Variants in MBNL3 observed in about 807,000 individuals in gnomAD.
MBNL3 encodes the protein muscleblind like splicing regulator 3, also known as muscleblind-like protein 3.
In MBNL3, 6 loss-of-function variants were observed where a neutral mutation model predicts 24.5. That is an observed-to-expected ratio of 0.25 (90% CI 0.13 to 0.48). The LOEUF is 0.48. MBNL3 is among the 20% of genes least tolerant of loss of function. MBNL3 has a pLI of 0.99. For missense variants in MBNL3, 230 were observed against 293.5 expected (o/e 0.78, Z 1.58); for synonymous variants, 100 against 101.7 (o/e 0.98, Z 0.10).
chrX:132,398,476 A>T (rs1940235263), intron 3 of MBNL3, among the ~76,000 whole-genome samples: 1 of 111,780 alleles, frequency 8.9e-6, no homozygotes, highest in Non-Finnish European at 1.9e-5. Flanking sequence ...ATTATTTTTT[A>T]AAAAATCAAG....
chrX:132,467,379 C>G (rs908100826), intron 1 of MBNL3, among the ~76,000 whole-genome samples: 2 of 112,230 alleles, frequency 1.8e-5, no homozygotes, highest in African/African-American at 6.5e-5. Flanking sequence ...GAGATAATTA[C>G]AGCAGGTTAT....
chrX:132,387,340 CA>C (rs397895685), intron 5 of MBNL3, among the ~76,000 whole-genome samples: 7,972 of 74,218 alleles, frequency 0.11, 404 homozygotes, highest in African/African-American at 0.21. Context: ...AAAAAAAATG[CA>C]AAAAAAAAAA....
intron 6 of MBNL3, among the ~76,000 whole-genome samples, chrX:132,385,447 G>C (rs1603052755): frequency 9.0e-6 from 1 of 110,989 alleles, no homozygotes; most frequent in African/African-American, 3.3e-5. Flanking sequence ...CTAATGTGTA[G>C]GTAAATTACC....
At chrX:132,434,932 CTG>C (rs1445563912) in intron 2 of MBNL3, among the ~76,000 whole-genome samples, 4 of 111,977 alleles carry the variant, frequency 3.6e-5, no homozygotes, top group African/African-American at 1.3e-4. Context: ...GTTTTGATAA[CTG>C]TGCAATGCAT....
intron 5 of MBNL3, among the ~76,000 whole-genome samples, chrX:132,389,712 AAGAAAGACAT>A (rs1319813091): frequency 9.0e-6 from 1 of 111,071 alleles, no homozygotes; most frequent in Middle Eastern, 4.2e-3. Context: ...CAGGGAGAAA[AAGAAAGACAT>A]AGCAAGCAGC....
chrX:132,421,112 A>G (rs1292726942), intron 2 of MBNL3, among the ~76,000 whole-genome samples: 4 of 112,009 alleles, frequency 3.6e-5, no homozygotes, highest in Non-Finnish European at 7.5e-5. Context: ...ACTTCTCTAG[A>G]AATAATTCCT....
chrX:132,396,419 T>TATATATATTCCTATATATATTC (rs1200524588), intron 3 of MBNL3, among the ~76,000 whole-genome samples: 1 of 79,576 alleles, frequency 1.3e-5, no homozygotes. Flanking sequence ...TATATTCCTA[T>TATATATATTCCTATATATATTC]ATATATATTC....
At chrX:132,411,255 CTT>C (rs1942690522) in intron 2 of MBNL3, 1 of 754,103 alleles carries the variant, frequency 1.3e-6, no homozygotes, top group Non-Finnish European at 1.6e-6. Context: ...AGGGCAATGA[CTT>C]TGGCGCAAAC....
chrX:132,419,764 C>A (rs1249909140), intron 2 of MBNL3, among the ~76,000 whole-genome samples: 1 of 112,071 alleles, frequency 8.9e-6, no homozygotes, highest in Non-Finnish European at 1.9e-5. Context: ...ATGTTTCTTT[C>A]TTTTCTTTTC....
At chrX:132,412,597 G>C (rs1005228407) in intron 2 of MBNL3, among the ~76,000 whole-genome samples, 7 of 112,196 alleles carry the variant, frequency 6.2e-5, no homozygotes, top group African/African-American at 1.9e-4. Flanking sequence ...TCATGAGCTT[G>C]ATCTTTTTCT....
chrX:132,391,073 T>C lies in MBNL3; in HGVS notation c.545A>G (p.Glu182Gly). 8.3e-7 allele frequency: 1 copy of C among 1,208,631 alleles called. No individual in the cohort carries two copies. The highest frequency in any genetic ancestry group is 1.1e-6 in the Non-Finnish European group (1 of 893,459). The change falls in exon 5 of 9, where the codon GAA (glutamate) becomes GGA (glycine). Residue 182 changes from glutamate (E) to glycine (G), a missense_variant. Transcript: ENST00000370853. ...ACGGGTACAATTTCCACGCTGAAAT[T>C]CTCGGCAAACCTTAGAACACACACA... ...MRSDKLEVCR[E>G]FQRGNCTRGE...
chrX:132,421,387 C>T (rs1943800549), intron 2 of MBNL3, among the ~76,000 whole-genome samples: 1 of 110,429 alleles, frequency 9.1e-6, no homozygotes, highest in Non-Finnish European at 1.9e-5. Flanking sequence ...TTACTATGTG[C>T]CTAGGGAGAG....
intron 6 of MBNL3, among the ~76,000 whole-genome samples, chrX:132,385,905 TG>T (rs1173002613): frequency 1.0e-5 from 1 of 98,568 alleles, no homozygotes; most frequent in Non-Finnish European, 2.1e-5. Flanking sequence ...AAAAAAAAAA[TG>T]GAAAAAAAAA....
intron 3 of MBNL3, among the ~76,000 whole-genome samples, chrX:132,396,397 TATATATTC>T (rs1313160048): frequency 7.1e-5 from 6 of 84,600 alleles, no homozygotes; most frequent in African/African-American, 2.8e-4. Context: ...TATATTCCTA[TATATATTC>T]ATATATATTC....
In MBNL3 at chrX:132,390,949, T is replaced by C. The variant is rs1265823892; in HGVS notation, c.669A>G (p.Arg223=). 1.7e-6 allele frequency: 2 copies of C among 1,211,369 alleles called. No individual in the cohort carries two copies. Among genetic ancestry groups the C allele is most frequent in the East Asian group, 5.9e-5 (2 of 33,816 alleles). Residue 223 remains arginine, a synonymous_variant, in exon 5 of 9, where the codon CGA becomes CGG. Transcript: ENST00000370853. ...AGTACTTGCATTTCTCCCGCGAGCATCGACCTTTGATGTAATCCATGCAGA... is the reference window on the plus strand; with the variant it reads ...AGTACTTGCATTTCTCCCGCGAGCACCGACCTTTGATGTAATCCATGCAGA... The part of the protein sequence containing the change: ...VTICMDYIKG[R]CSREKCKYFH...
In MBNL3 at chrX:132,386,909, G is replaced by A. The variant is rs776884932; in HGVS notation, c.772-98C>T. ...ATAAGGTATTTCCTGGGAATCCTCC[G>A]TAAGGGTATGCATTGGGCAAGACAC... On this transcript the variant is annotated intron_variant, in intron 5 of 8. Transcript: ENST00000370853. 5.0e-5 allele frequency: 49 copies of A among 970,412 alleles called. No homozygotes were observed. The South Asian group carries it at 8.1e-4, about 16-fold the overall frequency. The allele number at this position is 970,412 out of a possible 1,213,427, so 80.0% of individuals were successfully genotyped here.
At chrX:132,457,194 G>A (rs1603261171) in intron 1 of MBNL3, among the ~76,000 whole-genome samples, 2 of 111,145 alleles carry the variant, frequency 1.8e-5, no homozygotes, top group South Asian at 7.4e-4. Flanking sequence ...ATAAAAAGAA[G>A]GCAAAATTTT....
At chrX:132,474,243 G>T (rs1238857845) in intron 1 of MBNL3, among the ~76,000 whole-genome samples, 2 of 111,430 alleles carry the variant, frequency 1.8e-5, no homozygotes, top group Non-Finnish European at 3.8e-5. Context: ...TAGTGTAAAG[G>T]CAAATCAGAG....
chrX:132,407,716 C>T (rs760637803), intron 2 of MBNL3, among the ~76,000 whole-genome samples: 1 of 111,317 alleles, frequency 9.0e-6, no homozygotes, highest in East Asian at 2.8e-4. Flanking sequence ...CTAAGAGAGA[C>T]CATAAGCTTC....
Sources: gnomAD v4.1 joint callset for allele counts (sites outside exome capture counted in the v4.1 genomes callset) on GRCh38, gnomAD v4.1.1 for gene constraint, MANE v1.5 for transcripts, NCBI Gene and HGNC (gene_info 2026-07-23, HGNC 2026-07-21) for gene names.